ABI3BP: variants seen among roughly 807,000 people sequenced by gnomAD.
ABI3BP encodes the protein target of Nesh-SH3.
In ABI3BP, 216 loss-of-function variants were observed where a neutral mutation model predicts 268.6. That is an observed-to-expected ratio of 0.80 (90% CI 0.72 to 0.90). ABI3BP has a LOEUF of 0.90. Ranked by LOEUF, ABI3BP falls within the 40% of genes least tolerant of loss-of-function variation. The pLI is 0.00. For synonymous variants in ABI3BP, 730 were observed against 730.0 expected, an observed-to-expected ratio of 1.00 and a Z score of 0.00; for missense variants, 2,090 against 2,182.4, an observed-to-expected ratio of 0.96 and a Z score of 0.84.
intron 6 of ABI3BP, among the ~76,000 whole-genome samples, chr3:100,879,494 A>G (rs4328836): frequency 0.78 from 118,156 of 152,126 alleles, 45,985 homozygotes; most frequent in Non-Finnish European, 0.8. Context: ...ACATGTTGCT[A>G]TGCTGCTGAA....
At position 100,749,591 on chromosome 3, in the gene ABI3BP, C is replaced by G. The variant is rs918763456; in HGVS notation, c.*904G>C. ...TTACAAAGACATTCTCTGATACATT[C>G]ATTCATAGAGGTCTTAACGTATAAA... On this transcript the variant is annotated 3_prime_UTR_variant, in exon 68 of 68. Transcript: ENST00000471714. 1.3e-5 allele frequency: 5 copies of G among 398,070 alleles called. No individual in the cohort carries two copies. Among genetic ancestry groups the G allele is most frequent in the African/African-American group, 8.2e-5 (4 of 48,556 alleles). 24.7% of individuals were successfully genotyped at this position (398,070 alleles called of 1,614,324 possible).
At chr3:100,894,935 C>T (rs72928364) in intron 4 of ABI3BP, among the ~76,000 whole-genome samples, 16,222 of 41,100 alleles carry the variant, frequency 0.39, 1,425 homozygotes, top group Non-Finnish European at 0.45. Flanking sequence ...CGGGATTCCG[C>T]TTCAAAAAAA....
At chr3:100,943,894 A>G (rs1458419430) in intron 1 of ABI3BP, among the ~76,000 whole-genome samples, 1 of 152,126 alleles carries the variant, frequency 6.6e-6, no homozygotes, top group Non-Finnish European at 1.5e-5. Context: ...GAAATTATAT[A>G]TGTATATTTC....
At chr3:100,806,391 G>T (rs1418233899) in intron 50 of ABI3BP, among the ~76,000 whole-genome samples, 1 of 152,040 alleles carries the variant, frequency 6.6e-6, no homozygotes, top group Non-Finnish European at 1.5e-5. Context: ...GATAAGGGAA[G>T]AAGTATTAGG....
At position 100,907,841 on chromosome 3, in the gene ABI3BP, A is replaced by C. The variant is rs139528172; in HGVS notation, c.260-5155T>G. Among the ~76,000 whole-genome samples, 643 of 152,208 alleles carry C rather than the reference A, an allele frequency of 4.2e-3. 3 individuals are homozygous for C. The highest frequency in any genetic ancestry group is 0.014 in the African/African-American group (597 of 41,538). On this transcript the variant is annotated intron_variant, in intron 2 of 67. Coordinates refer to ENST00000471714, the MANE Select transcript of ABI3BP (RefSeq NM_001375547.2). ...ACATAAAGGGAAAGAAAAGGCCGGG[A>C]GTGGTAGCTCACGCCTGTAATCCCA...
At chr3:100,800,253 T>C (rs776155067) in intron 51 of ABI3BP, among the ~76,000 whole-genome samples, 7 of 151,424 alleles carry the variant, frequency 4.6e-5, no homozygotes, top group Admixed American at 1.3e-4. Context: ...TTTAAAAAAA[T>C]CACAGCCATC....
chr3:100,808,005 CA>C (rs1004772368), intron 50 of ABI3BP, among the ~76,000 whole-genome samples, 155 bp downstream of exon 50: 45 of 151,902 alleles, frequency 3.0e-4, no homozygotes, highest in African/African-American at 9.9e-4. Flanking sequence ...TTAGTAAGTC[CA>C]AAAAGAAATT....
Position 100,750,521 on chromosome 3 carries a change from C to T in ABI3BP, c.5335G>A (p.Gly1779Arg). 6.2e-7 allele frequency: 1 copy of T among 1,612,804 alleles called. No homozygotes were observed. The highest frequency in any genetic ancestry group is 1.3e-5 in the African/African-American group (1 of 74,958). Residue 1779 changes from glycine (G) to arginine (R), a missense_variant, in exon 68 of 68, where the codon GGG becomes AGG. Transcript: ENST00000471714. The stretch of plus-strand genomic sequence containing the variant: ...TACCATTTTCCAGGAATTGTAGTCC[C>T]ACATTCATACCACTGAACATAATTG... ...QINYVQWYEC[G>R]TTIPGKW is the part of the protein sequence containing the mutation.
rs895131218 is a variant in ABI3BP, at chr3:100,846,415, T to C, written c.1680A>G (p.Lys560=). Residue 560 remains lysine (K), a synonymous_variant, in exon 20 of 68, where the codon AAA becomes AAG. Coordinates refer to ENST00000471714, the MANE Select transcript of ABI3BP (RefSeq NM_001375547.2). ...CTTCTGGGCTGAGAGGGATTTTAGG[T>C]TTCAGAGAAATAAATTGTGTTTTAC... The part of the protein sequence containing the change: ...APGKTQFISL[K]PKIPLSPEVT... 6.2e-7 allele frequency: 1 copy of C among 1,601,850 alleles called. No individual in the cohort carries two copies. The highest frequency in any genetic ancestry group is 8.5e-7 in the Non-Finnish European group (1 of 1,173,820).
chr3:100,754,247 G>T (rs754191285), intron 64 of ABI3BP, among the ~76,000 whole-genome samples: 8 of 152,176 alleles, frequency 5.3e-5, no homozygotes, highest in Non-Finnish European at 1.0e-4. Flanking sequence ...TCTCATTAAG[G>T]AATTGGAGAT....
Position 100,797,303 on chromosome 3 carries a change from G to A in ABI3BP, c.3758-835C>T, listed in dbSNP as rs566979782. 6.6e-5 allele frequency among the ~76,000 whole-genome samples: 10 copies of A among 152,076 alleles called. No individual in the cohort carries two copies. In the South Asian group the frequency reaches 1.5e-3, roughly 22 times the overall value. On this transcript the variant is annotated intron_variant, in intron 51 of 67. Transcript: ENST00000471714. The stretch of plus-strand genomic sequence containing the variant: ...ATTTCTCAGTGGGGAAAATATTAGG[G>A]TGATTTGTCTATTTGTTAGTACCAG...
chr3:100,839,314 T>A (rs1404214232), intron 24 of ABI3BP, among the ~76,000 whole-genome samples: 1 of 152,090 alleles, frequency 6.6e-6, no homozygotes, highest in Non-Finnish European at 1.5e-5. Flanking sequence ...CCACGACACA[T>A]ATAGGGCAGA....
At chr3:100,812,393 G>T in intron 46 of ABI3BP, 74 bp downstream of exon 46, 2 of 1,005,720 alleles carry the variant, frequency 2.0e-6, no homozygotes, top group South Asian at 3.8e-5. Flanking sequence ...CAAAGCATGA[G>T]GACATCCAGA....
chr3:100,866,762 A>G (rs1187280678), intron 10 of ABI3BP, 117 bp downstream of exon 10: 9 of 845,912 alleles, frequency 1.1e-5, no homozygotes, highest in African/African-American at 8.6e-5. Context: ...ACTGTTTTGC[A>G]TTTATGATCA....
intron 1 of ABI3BP, among the ~76,000 whole-genome samples, chr3:100,973,106 G>C (rs547447947): frequency 6.6e-6 from 1 of 152,194 alleles, no homozygotes; most frequent in African/African-American, 2.4e-5. Context: ...CTGAAGGGCT[G>C]TCTGGAGTTT....
chr3:100,820,383 C>A, intron 39 of ABI3BP, 80 bp from the exon 40 acceptor site: 1 of 1,053,238 alleles, frequency 9.5e-7, no homozygotes, highest in Non-Finnish European at 1.3e-6. Context: ...TTTGAGATCT[C>A]TTAAAACTTA....
rs866637817 is a variant in ABI3BP, at chr3:100,881,633, G to T, written c.696+3903C>A. Among the ~76,000 whole-genome samples, 32 of 149,840 alleles carry T rather than the reference G, an allele frequency of 2.1e-4. 1 individual carries two copies. The Middle Eastern group carries it at 0.017, about 81-fold the overall frequency. On this transcript the variant is annotated intron_variant, in intron 6 of 67. Coordinates refer to ENST00000471714, the MANE Select transcript of ABI3BP (RefSeq NM_001375547.2). ...TAATAAAACCTAATAGTAAACATTA[G>T]GTTTTACCTTCAAAAAAAAGAGTGT...
In ABI3BP at chr3:100,830,110, CATATATATATATATATATATATATATAT is replaced by C. The variant is rs559297681; in HGVS notation, c.2458+440_2459-447del. On this transcript the variant is annotated intron_variant, in intron 32 of 67. Transcript: ENST00000471714. ...ATACATATACATACATACATACATACATATATATATATATATATATATATATATATATATATATATATATATATATATA... is the reference window on the plus strand; with the variant it reads ...ATACATATACATACATACATACATACATATATATATATATATATATATATA... 4.6e-3 allele frequency among the ~76,000 whole-genome samples: 204 copies of C among 44,764 alleles called. 3 individuals carry two copies. Among genetic ancestry groups the C allele is most frequent in the Non-Finnish European group, 5.2e-3 (121 of 23,290 alleles). 29.4% of individuals were successfully genotyped at this position (44,764 alleles called of 152,430 possible).
At chr3:100,798,752 T>C (rs370640140) in intron 51 of ABI3BP, among the ~76,000 whole-genome samples, 1 of 152,184 alleles carries the variant, frequency 6.6e-6, no homozygotes, top group Non-Finnish European at 1.5e-5. Context: ...TTAATGTGTT[T>C]GCTTTTGATA....
Sources: allele counts gnomAD v4.1 joint callset (sites outside exome capture counted in the v4.1 genomes callset), GRCh38; gene constraint gnomAD v4.1.1; transcripts MANE v1.5; gene names NCBI Gene and HGNC (gene_info 2026-07-23, HGNC 2026-07-21).